WDR43: variants seen among roughly 807,000 people sequenced by gnomAD.
WDR43 encodes the protein WD repeat domain 43.
A neutral mutation model predicts 91.4 loss-of-function variants in WDR43; 13 were observed. That is an observed-to-expected ratio of 0.14 (90% CI 0.09 to 0.23). The LOEUF is 0.23. Ranked by LOEUF, WDR43 falls within the 10% of genes least tolerant of loss-of-function variation. The pLI is 1.00. For missense variants in WDR43, 780 were observed against 809.4 expected (o/e 0.96, Z 0.44); for synonymous variants, 331 against 287.9 (o/e 1.15, Z -1.51).
intron 13 of WDR43, among the ~76,000 whole-genome samples, chr2:28,937,180 G>T (rs752321180): frequency 6.6e-6 from 1 of 152,140 alleles, no homozygotes; most frequent in African/African-American, 2.4e-5. Flanking sequence ...TCATTTAAAT[G>T]ATTAGTCTTA....
chr2:28,910,631 T>C (rs1044010351), intron 3 of WDR43, among the ~76,000 whole-genome samples: 3 of 150,630 alleles, frequency 2.0e-5, no homozygotes, highest in African/African-American at 7.3e-5. Flanking sequence ...GATACTTTTT[T>C]CTAGCTTTTT....
In WDR43 at chr2:28,898,972, C is replaced by T. The variant is rs904077145; in HGVS notation, c.226-3015C>T. 3.3e-5 allele frequency among the ~76,000 whole-genome samples: 5 copies of T among 152,206 alleles called. No individual in the cohort carries two copies. The East Asian group carries it at 9.6e-4, about 29-fold the overall frequency. ...CACATGTGCCATTCAGATTCTCCCTCAGCCTTCTGATTGTTTCTGGATCAA... is the reference window on the plus strand; with the variant it reads ...CACATGTGCCATTCAGATTCTCCCTTAGCCTTCTGATTGTTTCTGGATCAA... On this transcript the variant is annotated intron_variant, in intron 1 of 17. Coordinates refer to ENST00000407426, the MANE Select transcript of WDR43 (RefSeq NM_015131.3).
intron 2 of WDR43, 109 bp downstream of exon 2, chr2:28,902,233 G>C: frequency 8.5e-7 from 1 of 1,175,140 alleles, no homozygotes; most frequent in African/African-American, 1.6e-5. Flanking sequence ...GTGCAGTAGG[G>C]ACAGTTTTCA....
intron 16 of WDR43, among the ~76,000 whole-genome samples, chr2:28,942,769 C>T (rs2148201042): frequency 6.6e-6 from 1 of 152,050 alleles, no homozygotes; most frequent in Non-Finnish European, 1.5e-5. Flanking sequence ...GCGTGCACCA[C>T]CATGCCCGGC....
intron 10 of WDR43, 35 bp from the exon 11 acceptor site, chr2:28,929,544 C>G: frequency 6.8e-7 from 1 of 1,476,230 alleles, no homozygotes; most frequent in Non-Finnish European, 9.1e-7. Flanking sequence ...TAAGTCTTGT[C>G]TGGTAACACA....
chr2:28,943,479 A>G (rs1242922209), intron 16 of WDR43, among the ~76,000 whole-genome samples: 1 of 152,200 alleles, frequency 6.6e-6, no homozygotes, highest in Non-Finnish European at 1.5e-5. Flanking sequence ...TTTATGAGCC[A>G]AGTATAATCT....
intron 14 of WDR43, among the ~76,000 whole-genome samples, chr2:28,940,315 C>T (rs377329065): frequency 8.6e-5 from 13 of 151,996 alleles, no homozygotes; most frequent in African/African-American, 2.9e-4. Context: ...CCGCAACCTC[C>T]GCCTTATGAG....
In WDR43 at chr2:28,906,552, A is replaced by G. The variant is rs11688605; in HGVS notation, c.456A>G (p.Glu152=). Reference sequence around the variant, plus strand: ...GTTCAGATGATAAACATATTGTGGAATGGAACGTACAGACATGCAAAGTAA... The same window carrying G: ...GTTCAGATGATAAACATATTGTGGAGTGGAACGTACAGACATGCAAAGTAA... The part of the protein sequence containing the change: ...YSCSDDKHIV[E]WNVQTCKVKC... The change falls in exon 3 of 18, where the codon GAA becomes GAG. Residue 152 remains glutamate, a synonymous_variant. Coordinates refer to ENST00000407426, the MANE Select transcript of WDR43 (RefSeq NM_015131.3). 0.26 allele frequency: 412,682 copies of G among 1,609,666 alleles called. 62,804 individuals are homozygous for G. Among genetic ancestry groups the G allele is most frequent in the East Asian group, 0.76 (34,218 of 44,756 alleles).
intron 3 of WDR43, among the ~76,000 whole-genome samples, chr2:28,908,533 A>G (rs956295524): frequency 4.6e-5 from 7 of 152,192 alleles, no homozygotes; most frequent in Non-Finnish European, 8.8e-5. Flanking sequence ...TCCTTCACAT[A>G]GGGACTAGTA....
rs1671567732 is a variant in WDR43, at chr2:28,947,572, G to A, written c.*793G>A. On this transcript the variant is annotated 3_prime_UTR_variant, in exon 18 of 18. Transcript: ENST00000407426. ...AACTTTTAAAAAAAATTCAGTTATA[G>A]CTGCTTTTGAAGAGGTTTCCATTTT... is the stretch of plus-strand genomic sequence containing the variant. 6.6e-6 allele frequency: 1 copy of A among 152,048 alleles called. No homozygotes were observed. Among genetic ancestry groups the A allele is most frequent in the Admixed American group, 6.6e-5 (1 of 15,260 alleles). The allele number at this position is 152,048 out of a possible 1,614,324, so 9.4% of individuals were successfully genotyped here.
At chr2:28,898,534 C>A (rs1196040865) in intron 1 of WDR43, among the ~76,000 whole-genome samples, 2 of 152,166 alleles carry the variant, frequency 1.3e-5, no homozygotes, top group Non-Finnish European at 2.9e-5. Flanking sequence ...GTGAAACACA[C>A]ATGCAGTGGC....
intron 8 of WDR43, among the ~76,000 whole-genome samples, chr2:28,925,762 A>G (rs1279911238): frequency 1.3e-5 from 2 of 152,228 alleles, no homozygotes; most frequent in Non-Finnish European, 2.9e-5. Context: ...GGAATATTAC[A>G]TGCTCACACA....
chr2:28,903,723 G>A (rs1670621084), intron 2 of WDR43, among the ~76,000 whole-genome samples: 1 of 152,174 alleles, frequency 6.6e-6, no homozygotes, highest in African/African-American at 2.4e-5. Flanking sequence ...CCTTTAATTG[G>A]ATAGGTTTTT....
In WDR43 at chr2:28,916,845, C is replaced by A. The variant is rs1445789078; in HGVS notation, c.747-1048C>A. ...TATTGTAAAGGTAGCCAGCTTGTAA[C>A]ATTTTTGTCATTAATATATAAAACC... is the stretch of plus-strand genomic sequence containing the variant. On this transcript the variant is annotated intron_variant, in intron 5 of 17. Transcript: ENST00000407426. 3.9e-5 allele frequency among the ~76,000 whole-genome samples: 6 copies of A among 151,920 alleles called. No individual in the cohort carries two copies. The East Asian group carries it at 1.2e-3, about 29-fold the overall frequency.
chr2:28,935,450 A>C, intron 11 of WDR43, 71 bp from the exon 12 acceptor site: 1 of 1,090,210 alleles, frequency 9.2e-7, no homozygotes, highest in Non-Finnish European at 1.3e-6. Context: ...ATTTTTACAG[A>C]CTTTTTTTTT....
At chr2:28,912,172 C>A (rs1670814937) in intron 3 of WDR43, among the ~76,000 whole-genome samples, 1 of 152,132 alleles carries the variant, frequency 6.6e-6, no homozygotes, top group Non-Finnish European at 1.5e-5. Flanking sequence ...AATTAAAGGC[C>A]AGCCTTCCAG....
chr2:28,933,598 T>G (rs1476361023), intron 11 of WDR43, among the ~76,000 whole-genome samples: 4 of 152,166 alleles, frequency 2.6e-5, no homozygotes, highest in Non-Finnish European at 4.4e-5. Context: ...CAAAACAAGC[T>G]GAGGGCTGGG....
chr2:28,936,376 T>C (rs1671337394), intron 12 of WDR43, among the ~76,000 whole-genome samples: 1 of 152,174 alleles, frequency 6.6e-6, no homozygotes, highest in Non-Finnish European at 1.5e-5. Context: ...CAGTGTGGGC[T>C]GGTGTACCAT....
chr2:28,939,209 G>A (rs192001033), intron 14 of WDR43, among the ~76,000 whole-genome samples: 2 of 152,226 alleles, frequency 1.3e-5, no homozygotes, highest in East Asian at 3.9e-4. Flanking sequence ...GGGGTTTTGG[G>A]AGGTGACTTG....
Sources: gnomAD v4.1 joint callset for allele counts (sites outside exome capture counted in the v4.1 genomes callset) on GRCh38, gnomAD v4.1.1 for gene constraint, MANE v1.5 for transcripts, NCBI Gene and HGNC (gene_info 2026-07-23, HGNC 2026-07-21) for gene names.